The following GNPAT variants were observed in gnomAD, a reference collection of about 807,000 sequenced individuals.
The protein encoded by GNPAT is dihydroxyacetone phosphate acyltransferase.
In GNPAT, 30 loss-of-function variants were observed where a neutral mutation model predicts 78.4. The observed-to-expected ratio is 0.38, with a 90% CI of 0.29 to 0.52. GNPAT has a LOEUF of 0.52. GNPAT is among the 20% of genes least tolerant of loss of function. The pLI is 0.84. For synonymous variants in GNPAT, 271 were observed against 281.1 expected (o/e 0.96, Z 0.36); for missense variants, 714 against 812.2 (o/e 0.88, Z 1.47).
chr1:231,245,695 C>A (rs1387102003), intron 1 of GNPAT, among the ~76,000 whole-genome samples: 1 of 152,246 alleles, frequency 6.6e-6, no homozygotes, highest in South Asian at 2.1e-4. Flanking sequence ...AATAGCCGGG[C>A]GCTGTGGCTT....
chr1:231,275,647 G>T, intron 14 of GNPAT, 149 bp downstream of exon 14: 1 of 676,936 alleles, frequency 1.5e-6, no homozygotes, highest in East Asian at 2.7e-5. Flanking sequence ...TTAAGTCAGT[G>T]TGAGTTATCC....
chr1:231,244,787 T>C lies in GNPAT; in HGVS notation c.78+3331T>C, dbSNP rs184788008. On this transcript the variant is annotated intron_variant, in intron 1 of 15. Transcript: ENST00000366647. The stretch of plus-strand genomic sequence containing the variant: ...TTGTATCTATAGCATTCGGTGAGCC[T>C]GAAATCATTCAGTGAGACCCTAGAA... Among the ~76,000 whole-genome samples the C allele has an allele frequency of 2.3e-3, 355 of 152,290 alleles. 3 individuals carry two copies. The highest frequency in any genetic ancestry group is 8.4e-3 in the African/African-American group (349 of 41,548).
At chr1:231,261,669 C>T (rs1043577150) in intron 3 of GNPAT, among the ~76,000 whole-genome samples, 18 of 152,086 alleles carry the variant, frequency 1.2e-4, no homozygotes, top group African/African-American at 2.9e-4. Context: ...TTACCCCACT[C>T]GTTTTTGCAC....
At chr1:231,270,610 T>C in intron 9 of GNPAT, 148 bp from the exon 10 acceptor site, 2 of 792,604 alleles carry the variant, frequency 2.5e-6, no homozygotes, top group South Asian at 2.8e-5. Context: ...TCTTCAGATT[T>C]GGTATCATTA....
chr1:231,252,896 T>C (rs1305210796), intron 2 of GNPAT, among the ~76,000 whole-genome samples: 1 of 150,782 alleles, frequency 6.6e-6, no homozygotes, highest in East Asian at 2.0e-4. Flanking sequence ...GTCTTCCCCA[T>C]AGACAGAACT....
intron 2 of GNPAT, among the ~76,000 whole-genome samples, chr1:231,257,392 A>G (rs895798108): frequency 1.3e-5 from 2 of 152,122 alleles, no homozygotes; most frequent in Non-Finnish European, 2.9e-5. Flanking sequence ...CAATTTTAGC[A>G]GATTGCTGAA....
At chr1:231,259,249 C>G (rs972010562) in intron 2 of GNPAT, among the ~76,000 whole-genome samples, 6 of 152,010 alleles carry the variant, frequency 3.9e-5, no homozygotes, top group African/African-American at 1.5e-4. Context: ...CCAGTTCCTC[C>G]CTGTTGAACT....
intron 10 of GNPAT, 120 bp from the exon 11 acceptor site, chr1:231,272,192 T>C (rs1177069217): frequency 1.5e-6 from 1 of 682,210 alleles, no homozygotes; most frequent in African/African-American, 1.8e-5. Context: ...TTAATTCTTG[T>C]CCCTGTTACA....
rs192912121 is a variant in GNPAT at position 231,243,804 on chromosome 1, G to A, written c.78+2348G>A. On this transcript the variant is annotated intron_variant, in intron 1 of 15. Coordinates refer to ENST00000366647, the MANE Select transcript of GNPAT (RefSeq NM_014236.4). ...ATTTCCTAAAGAAATTTTATGTGTC[G>A]TGTTTACATATCCTTAGGGATAAAA... Among the ~76,000 whole-genome samples, 309 of 152,206 alleles carry A rather than the reference G, an allele frequency of 2.0e-3. 2 individuals are homozygous for A. The highest frequency in any genetic ancestry group is 4.2e-3 in the Admixed American group (64 of 15,290).
chr1:231,275,182 TTC>T (rs1195613000), intron 12 of GNPAT, 37 bp from the exon 13 acceptor site: 1 of 1,214,570 alleles, frequency 8.2e-7, no homozygotes, highest in African/African-American at 1.5e-5. Flanking sequence ...GCTATCCTTT[TTC>T]TCTTTCTGTT....
intron 1 of GNPAT, among the ~76,000 whole-genome samples, chr1:231,245,896 G>C (rs1000704028): frequency 4.2e-4 from 64 of 152,110 alleles, no homozygotes; most frequent in African/African-American, 1.4e-3. Context: ...TTGAACCCGG[G>C]AGGTGGAAGT....
chr1:231,276,144 C>A lies in GNPAT; in HGVS notation c.1947C>A (p.Asn649Lys). 7.9e-7 allele frequency: 1 copy of A among 1,259,904 alleles called. No homozygotes were observed. Among genetic ancestry groups the A allele is most frequent in the Non-Finnish European group, 1.2e-6 (1 of 860,320 alleles). The allele number at this position is 1,259,904 out of a possible 1,614,324, so 78.0% of individuals were successfully genotyped here. ...GVVEKKKINN[N>K]CIFNVNEPAT... is the part of the protein sequence containing the mutation. ...TATTATTTTCTCCTAGAAATAATAA[C>A]TGTATATTTAATGTGAATGAACCTG... The change falls in exon 15 of 16, where the codon AAC (asparagine) becomes AAA (lysine). Residue 649 changes from asparagine to lysine, a missense_variant. Asn to Lys is a moderately conservative substitution (Grantham distance 94). Transcript: ENST00000366647.
chr1:231,272,391 G>C lies in GNPAT; in HGVS notation c.1602G>C (p.Lys534Asn). 6.6e-7 allele frequency: 1 copy of C among 1,519,152 alleles called. No homozygotes were observed. The allele number at this position is 1,519,152 out of a possible 1,614,324, so 94.1% of individuals were successfully genotyped here. ...TCTTCCTTCCAGGAAACACACTAAA[G>C]GTAAAGTGCTTACAACAAAGAGCAA... Reference protein sequence around the residue: ...EFIFLPGNTLKDFEEGCYLLC... With the variant: ...EFIFLPGNTLNDFEEGCYLLC... The change falls in exon 11 of 16, where the codon AAG (lysine) becomes AAC (asparagine). Residue 534 changes from lysine to asparagine, a missense_variant and splice_region_variant. Physicochemically the swap from Lys to Asn is moderately conservative, Grantham distance 94. Coordinates refer to ENST00000366647, the MANE Select transcript of GNPAT (RefSeq NM_014236.4).
Position 231,270,989 on chromosome 1 carries a change from G to C in GNPAT, c.1511G>C (p.Gly504Ala). The C allele has an allele frequency of 1.2e-6, 2 of 1,614,124 alleles. No individual in the cohort carries two copies. Among genetic ancestry groups the C allele is most frequent in the Non-Finnish European group, 1.7e-6 (2 of 1,180,002 alleles). Residue 504 changes from glycine to alanine, a missense_variant, in exon 10 of 16, where the codon GGG becomes GCG. Gly to Ala is a moderately conservative substitution (Grantham distance 60). Transcript: ENST00000366647. ...GCAGTAGCATTGCAGATGACACCAG[G>C]GTTCAGGAAAGGTAATTTTCAGGAA... ...LVAVALQMTPGFRKEDVYSCF... is the reference protein window; with the variant it reads ...LVAVALQMTPAFRKEDVYSCF...
At chr1:231,254,996 G>A (rs1207890470) in intron 2 of GNPAT, among the ~76,000 whole-genome samples, 2 of 151,502 alleles carry the variant, frequency 1.3e-5, no homozygotes, top group South Asian at 4.2e-4. Flanking sequence ...CAGGTAATCC[G>A]CCCACCTCAG....
At chr1:231,259,057 A>C (rs1395886681) in intron 2 of GNPAT, among the ~76,000 whole-genome samples, 1 of 152,022 alleles carries the variant, frequency 6.6e-6, no homozygotes, top group African/African-American at 2.4e-5. Context: ...TTCTCATTCA[A>C]ACTTTCCCAT....
rs1026199667 is a variant in GNPAT, at chr1:231,274,010, C to T, written c.1691C>T (p.Thr564Ile). The change falls in exon 12 of 16, where the codon ACT becomes ATT. Residue 564 changes from threonine (T) to isoleucine (I), a missense_variant. Physicochemically the swap from Thr to Ile is moderately conservative, Grantham distance 89. Transcript: ENST00000366647. ...KDILVTEKGN[T>I]VLEFLVGLFK... Reference sequence around the variant, plus strand: ...ATCCTAGTTACAGAGAAAGGAAATACTGTGTTAGAATTTTTAGTAGGACTC... The same window carrying T: ...ATCCTAGTTACAGAGAAAGGAAATATTGTGTTAGAATTTTTAGTAGGACTC... 6.2e-7 allele frequency: 1 copy of T among 1,612,308 alleles called. No homozygotes were observed. Among genetic ancestry groups the T allele is most frequent in the Non-Finnish European group, 8.5e-7 (1 of 1,178,326 alleles).
At chr1:231,272,163 T>G in intron 10 of GNPAT, 149 bp from the exon 11 acceptor site, 1 of 625,472 alleles carries the variant, frequency 1.6e-6, no homozygotes, top group Non-Finnish European at 3.1e-6. Flanking sequence ...TGGGTTTAAT[T>G]TAGCTTCCCT....
At position 231,260,659 on chromosome 1, in the gene GNPAT, T is replaced by G; in HGVS notation, c.414T>G (p.Cys138Trp). ...KVFKQIFSKVCVNEEGIQKLQ... is the reference protein window; with the variant it reads ...KVFKQIFSKVWVNEEGIQKLQ... ...TTAAACAAATTTTCTCGAAGGTGTG[T>G]GTAAATGAAGAAGGTATTCAGAAAG... Residue 138 changes from cysteine to tryptophan, a missense_variant, in exon 3 of 16, where the codon TGT (cysteine) becomes TGG (tryptophan). Transcript: ENST00000366647. 6.2e-7 allele frequency: 1 copy of G among 1,610,152 alleles called. No individual in the cohort carries two copies. The highest frequency in any genetic ancestry group is 1.1e-5 in the South Asian group (1 of 90,980).
Sources: gnomAD v4.1 joint callset for allele counts (sites outside exome capture counted in the v4.1 genomes callset) on GRCh38, gnomAD v4.1.1 for gene constraint, MANE v1.5 for transcripts, NCBI Gene and HGNC (gene_info 2026-07-23, HGNC 2026-07-21) for gene names.